PI4KA: variants seen among roughly 807,000 people sequenced by gnomAD.
The protein encoded by PI4KA is PI4-kinase alpha.
Under a neutral mutation model 271.4 loss-of-function variants are expected in PI4KA, and 122 were observed. That is an observed-to-expected ratio of 0.45 (90% CI 0.39 to 0.52). The LOEUF (loss-of-function observed/expected upper bound fraction) is 0.52, where lower values mean the gene tolerates loss of function less well. Ranked by LOEUF, PI4KA falls within the 20% of genes least tolerant of loss-of-function variation. The pLI, the probability that PI4KA is intolerant of heterozygous loss-of-function variation, is 0.00. For missense variants in PI4KA, 1,969 were observed against 2,769.1 expected, an observed-to-expected ratio of 0.71 and a Z score of 6.48; for synonymous variants, 1,041 against 1,078.8, an observed-to-expected ratio of 0.96 and a Z score of 0.69.
At chr22:20,843,845 T>C (rs543559680) in intron 1 of PI4KA, among the ~76,000 whole-genome samples, 128 of 152,320 alleles carry the variant, frequency 8.4e-4, no homozygotes, top group African/African-American at 2.9e-3. Context: ...TGGTTCCCCA[T>C]TGCCCAATGA....
At chr22:20,798,429 T>G in intron 17 of PI4KA, 155 bp downstream of exon 17, 2 of 622,124 alleles carry the variant, frequency 3.2e-6, no homozygotes, top group African/African-American at 1.8e-5. Flanking sequence ...GGGGGCCACA[T>G]TGGGTTTTCA....
chr22:20,722,581 T>C lies in PI4KA; in HGVS notation c.4996-1163A>G, dbSNP rs558394748. 8.5e-5 allele frequency among the ~76,000 whole-genome samples: 13 copies of C among 152,356 alleles called. No homozygotes were observed. The South Asian group carries it at 1.4e-3, about 17-fold the overall frequency. On this transcript the variant is annotated intron_variant, in intron 42 of 54. Coordinates refer to ENST00000255882, the MANE Select transcript of PI4KA (RefSeq NM_058004.4). ...TCCTCCTCTTCCTTCTTGGTCATTT[T>C]CCGCCACTCATAGTAGTAACTCCAG...
chr22:20,830,665 C>T (rs371749190), intron 3 of PI4KA, among the ~76,000 whole-genome samples: 1 of 152,132 alleles, frequency 6.6e-6, no homozygotes, highest in South Asian at 2.1e-4. Flanking sequence ...ATATGTGTGG[C>T]TCTGTTCCTG....
chr22:20,812,119 A>T (rs1158536984), intron 8 of PI4KA, among the ~76,000 whole-genome samples: 2 of 152,180 alleles, frequency 1.3e-5, no homozygotes, highest in Non-Finnish European at 2.9e-5. Context: ...GTCAGTCTTC[A>T]GTTAGAATTT....
chr22:20,788,252 T>C (rs1255383610), intron 19 of PI4KA, among the ~76,000 whole-genome samples: 2 of 152,102 alleles, frequency 1.3e-5, no homozygotes, highest in East Asian at 1.9e-4. Context: ...GCTGAAGTAG[T>C]GGGGCTGGGT....
chr22:20,779,473 T>G lies in PI4KA; in HGVS notation c.2328+13720A>C, dbSNP rs563129167. The G allele has an allele frequency of 1.9e-6, 3 of 1,614,046 alleles. No individual in the cohort carries two copies. The highest frequency in any genetic ancestry group is 2.5e-6 in the Non-Finnish European group (3 of 1,180,010). ...AATAACAAAAACCTGAGCATGCCTC[T>G]TCTCCCTGCCGACTTCCACAAGGAA... On this transcript the variant is annotated intron_variant, in intron 19 of 54. Coordinates refer to ENST00000255882, the MANE Select transcript of PI4KA (RefSeq NM_058004.4).
At chr22:20,824,672 A>G (rs1923145428) in intron 3 of PI4KA, among the ~76,000 whole-genome samples, 1 of 151,960 alleles carries the variant, frequency 6.6e-6, no homozygotes, top group African/African-American at 2.4e-5. Context: ...CTAGTGTGAG[A>G]TAACAAAGCC....
chr22:20,851,211 A>G (rs1270857768), intron 1 of PI4KA, among the ~76,000 whole-genome samples: 1 of 151,370 alleles, frequency 6.6e-6, no homozygotes, highest in Admixed American at 6.6e-5. Context: ...TTTAATGTCT[A>G]TTTATCCACC....
In PI4KA at chr22:20,727,231, G is replaced by A. The variant is rs1347180293; in HGVS notation, c.4940C>T (p.Pro1647Leu). ...AGCTCAGCAGGGCCCTGGGCTCACC[G>A]GAGGGAAGGACCGCAGGACTTTCAC... ...YGVKVLRSFP[P>L]DAILFYIPQI... is the part of the protein sequence containing the mutation. Residue 1647 changes from proline to leucine, a missense_variant and splice_region_variant, in exon 41 of 55, where the codon CCG becomes CTG. Pro to Leu is a moderately conservative substitution (Grantham distance 98). Around this residue, in one of 13 missense-constraint regions of PI4KA, gnomAD observed 388 missense variants for 521.5 expected, o/e 0.74. Coordinates refer to ENST00000255882, the MANE Select transcript of PI4KA (RefSeq NM_058004.4). The A allele has an allele frequency of 6.8e-6, 11 of 1,611,800 alleles. No homozygotes were observed. Among genetic ancestry groups the A allele is most frequent in the Admixed American group, 1.7e-5 (1 of 59,484 alleles).
At chr22:20,780,940 C>T (rs143569094) in intron 19 of PI4KA, among the ~76,000 whole-genome samples, 1 of 152,270 alleles carries the variant, frequency 6.6e-6, no homozygotes, top group Non-Finnish European at 1.5e-5. Flanking sequence ...TGAGTTTTCT[C>T]TTTTCCTTTC....
chr22:20,746,819 C>A (rs919150661), intron 29 of PI4KA, among the ~76,000 whole-genome samples: 1 of 152,166 alleles, frequency 6.6e-6, no homozygotes, highest in African/African-American at 2.4e-5. Context: ...GAGAAGACAC[C>A]AGCATTCTCT....
At chr22:20,840,740 G>T (rs1207911396) in intron 1 of PI4KA, among the ~76,000 whole-genome samples, 1 of 152,180 alleles carries the variant, frequency 6.6e-6, no homozygotes, top group African/African-American at 2.4e-5. Flanking sequence ...ATCCAGGCCA[G>T]GTGCAAGGCT....
At chr22:20,722,496 T>C (rs1926857226) in intron 42 of PI4KA, among the ~76,000 whole-genome samples, 1 of 152,186 alleles carries the variant, frequency 6.6e-6, no homozygotes, top group Non-Finnish European at 1.5e-5. Flanking sequence ...CAGGAAGTTC[T>C]TTATAGCAGT....
At chr22:20,779,884 G>T in intron 19 of PI4KA, 1 of 1,614,254 alleles carries the variant, frequency 6.2e-7, no homozygotes, top group Non-Finnish European at 8.5e-7. Context: ...AATGCCAGCA[G>T]CAAGTATGAA....
chr22:20,805,886 T>C (rs1443812881), intron 10 of PI4KA, among the ~76,000 whole-genome samples: 2 of 151,432 alleles, frequency 1.3e-5, no homozygotes, highest in Admixed American at 1.3e-4. Flanking sequence ...CAAAAACTGG[T>C]TGCAGCCTTG....
intron 1 of PI4KA, among the ~76,000 whole-genome samples, chr22:20,847,066 T>C (rs1926360229): frequency 1.3e-5 from 2 of 150,252 alleles, no homozygotes; most frequent in African/African-American, 4.9e-5. Flanking sequence ...GAGAATCACT[T>C]GAACCGAGGA....
intron 19 of PI4KA, among the ~76,000 whole-genome samples, chr22:20,774,490 C>G (rs2147450878): frequency 6.6e-6 from 1 of 152,328 alleles, no homozygotes; most frequent in South Asian, 2.1e-4. Flanking sequence ...GGGCCGGGTG[C>G]AGTGGCTCAC....
chr22:20,770,139 A>T (rs1302300683), intron 19 of PI4KA, among the ~76,000 whole-genome samples: 4 of 151,386 alleles, frequency 2.6e-5, no homozygotes, highest in Non-Finnish European at 5.9e-5. Context: ...TACTCAAGTG[A>T]TCCTTCTGCC....
At chr22:20,851,198 T>C (rs1005091059) in intron 1 of PI4KA, among the ~76,000 whole-genome samples, 2 of 152,114 alleles carry the variant, frequency 1.3e-5, no homozygotes, top group Non-Finnish European at 2.9e-5. Flanking sequence ...TATCTATTTT[T>C]TTTTTAATGT....
Sources: gnomAD v4.1 joint callset for allele counts (sites outside exome capture counted in the v4.1 genomes callset) on GRCh38, gnomAD v4.1.1 for gene constraint, gnomAD v4.1.1 regional missense constraint, MANE v1.5 for transcripts, NCBI Gene and HGNC (gene_info 2026-07-23, HGNC 2026-07-21) for gene names.